SLC35A3: variants seen among roughly 807,000 people sequenced by gnomAD.
SLC35A3 encodes solute carrier family 35 member A3, also known as UDP-N-acetylglucosamine transporter.
Under a neutral mutation model 39.0 loss-of-function variants are expected in SLC35A3, and 26 were observed. The ratio of observed to expected loss-of-function variants is 0.67; its 90% CI spans 0.49 to 0.92. SLC35A3 has a LOEUF of 0.92. Among genes scored for constraint, SLC35A3 ranks in the 40% least tolerant of loss-of-function variants. The pLI is 0.00. For missense variants in SLC35A3, 299 were observed against 371.6 expected (o/e 0.80, Z 1.61); for synonymous variants, 135 against 133.1 (o/e 1.01, Z -0.10).
chr1:100,019,670 G>T (rs1257899809), intron 7 of SLC35A3, among the ~76,000 whole-genome samples: 1 of 152,020 alleles, frequency 6.6e-6, no homozygotes, highest in African/African-American at 2.4e-5. Context: ...TCTCTGAAAT[G>T]GTACGCCTAT....
In SLC35A3 at chr1:100,033,961, T is replaced by C. The variant is rs1473047619; in HGVS notation, c.*11485T>C. The C allele has an allele frequency of 6.6e-6, 1 of 152,174 alleles. No individual in the cohort carries two copies. The highest frequency in any genetic ancestry group is 2.4e-5 in the African/African-American group (1 of 41,442). 9.4% of individuals were successfully genotyped at this position (152,174 alleles called of 1,614,324 possible). On this transcript the variant is annotated 3_prime_UTR_variant, in exon 8 of 8. Coordinates refer to ENST00000533028, the MANE Select transcript of SLC35A3 (RefSeq NM_012243.3). ...TAAGTACTGTACAATATTCTCTGAG[T>C]TGTGACATGTTTAAAATTTCTTCTG...
intron 7 of SLC35A3, among the ~76,000 whole-genome samples, chr1:100,018,449 A>G (rs700532): frequency 0.091 from 13,908 of 152,210 alleles, 1,138 homozygotes; most frequent in African/African-American, 0.22. Context: ...TTTTCCTCCA[A>G]CTTTACTCCT....
rs1406806121 is a variant in SLC35A3, at chr1:100,022,775, T to C, written c.*299T>C. ...TGCTGCAGAAATGTCCTATGCACTCTTTGCAAGAGCACACAACAAATGTCA... is the reference window on the plus strand; with the variant it reads ...TGCTGCAGAAATGTCCTATGCACTCCTTGCAAGAGCACACAACAAATGTCA... On this transcript the variant is annotated 3_prime_UTR_variant, in exon 8 of 8. Coordinates refer to ENST00000533028, the MANE Select transcript of SLC35A3 (RefSeq NM_012243.3). 1 of 198,170 alleles carries C rather than the reference T, an allele frequency of 5.0e-6. No individual in the cohort carries two copies. Among genetic ancestry groups the C allele is most frequent in the Non-Finnish European group, 1.0e-5 (1 of 98,662 alleles). 12.3% of individuals were successfully genotyped at this position (198,170 alleles called of 1,614,324 possible). A position where few individuals can be genotyped will look rare whatever the true frequency, so the allele number is the denominator to read the frequency against.
intron 1 of SLC35A3, among the ~76,000 whole-genome samples, chr1:99,983,474 G>A (rs1035762230): frequency 2.0e-5 from 3 of 151,702 alleles, no homozygotes; most frequent in Non-Finnish European, 2.9e-5. Flanking sequence ...GGGAGGCAGA[G>A]GTTGGAGTGA....
At chr1:99,994,822 GGA>G (rs1658287657) in intron 2 of SLC35A3, among the ~76,000 whole-genome samples, 1 of 152,066 alleles carries the variant, frequency 6.6e-6, no homozygotes, top group African/African-American at 2.4e-5. Context: ...TATATATTTA[GGA>G]GTAGAATTGC....
rs1359668252 is a variant in SLC35A3 at position 99,987,454 on chromosome 1, A to T, written c.-18-6083A>T. Among the ~76,000 whole-genome samples, 6 of 152,178 alleles carry T rather than the reference A, an allele frequency of 3.9e-5. 1 individual carries two copies. Among genetic ancestry groups the T allele is most frequent in the African/African-American group, 1.4e-4 (6 of 41,428 alleles). On this transcript the variant is annotated intron_variant, in intron 1 of 7. Coordinates refer to ENST00000533028, the MANE Select transcript of SLC35A3 (RefSeq NM_012243.3). Reference sequence around the variant, plus strand: ...AATAGTTATAATCTATGTATATTTAATAGTGAGTATACGTATTTTACCATT... The same window carrying T: ...AATAGTTATAATCTATGTATATTTATTAGTGAGTATACGTATTTTACCATT...
chr1:99,989,655 A>G (rs1201653668), intron 1 of SLC35A3, among the ~76,000 whole-genome samples: 2 of 152,106 alleles, frequency 1.3e-5, no homozygotes, highest in African/African-American at 2.4e-5. Flanking sequence ...AAAGTTCTGT[A>G]TATATTCTGG....
At chr1:99,989,512 G>T (rs753328619) in intron 1 of SLC35A3, among the ~76,000 whole-genome samples, 2 of 152,150 alleles carry the variant, frequency 1.3e-5, no homozygotes, top group African/African-American at 2.4e-5. Context: ...TTGAACTCCT[G>T]ACCTCAGGTG....
At chr1:100,019,838 T>G (rs1660409083) in intron 7 of SLC35A3, among the ~76,000 whole-genome samples, 1 of 152,214 alleles carries the variant, frequency 6.6e-6, no homozygotes, top group Non-Finnish European at 1.5e-5. Flanking sequence ...GTTAGACATC[T>G]CTACTGATAC....
chr1:99,978,361 AAAAAAATTT>A (rs1392589788), intron 1 of SLC35A3, among the ~76,000 whole-genome samples: 4 of 152,102 alleles, frequency 2.6e-5, no homozygotes, highest in Non-Finnish European at 5.9e-5. Context: ...TTACAGATAA[AAAAAAATTT>A]AAAAAATTTA....
chr1:99,985,748 G>A (rs1001971731), intron 1 of SLC35A3, among the ~76,000 whole-genome samples: 2 of 152,192 alleles, frequency 1.3e-5, no homozygotes, highest in Non-Finnish European at 2.9e-5. Flanking sequence ...TCTTTCAGCA[G>A]TGTTTTGTAG....
At position 100,025,019 on chromosome 1, in the gene SLC35A3, A is replaced by G. The variant is rs1660826052; in HGVS notation, c.*2543A>G. 1 of 246,320 alleles carries G rather than the reference A, an allele frequency of 4.1e-6. No individual in the cohort carries two copies. The highest frequency in any genetic ancestry group is 2.2e-5 in the African/African-American group (1 of 44,472). 15.3% of individuals were successfully genotyped at this position (246,320 alleles called of 1,614,324 possible). On this transcript the variant is annotated 3_prime_UTR_variant, in exon 8 of 8. Transcript: ENST00000533028. Reference sequence around the variant, plus strand: ...CCAAAGTTTAAAAGCATTTAAAATTACCAAATCTTTAAAATCACTTTGGTG... The same window carrying G: ...CCAAAGTTTAAAAGCATTTAAAATTGCCAAATCTTTAAAATCACTTTGGTG...
At chr1:99,993,467 G>A (rs1658207330) in intron 1 of SLC35A3, 70 bp from the exon 2 acceptor site, 1 of 1,301,926 alleles carries the variant, frequency 7.7e-7, no homozygotes, top group African/African-American at 1.5e-5. Flanking sequence ...CTCCCTCTCG[G>A]TGTTTTTAAA....
intron 1 of SLC35A3, among the ~76,000 whole-genome samples, chr1:99,985,532 T>A (rs1316555053): frequency 2.0e-5 from 3 of 152,356 alleles, no homozygotes; most frequent in African/African-American, 7.2e-5. Context: ...TTGCTTAGTC[T>A]TGCTTTGGCT....
In SLC35A3 at chr1:100,007,065, C is replaced by A; in HGVS notation, c.374C>A (p.Ala125Glu). The A allele has an allele frequency of 6.2e-7, 1 of 1,609,174 alleles. No individual in the cohort carries two copies. Among genetic ancestry groups the A allele is most frequent in the South Asian group, 1.1e-5 (1 of 89,402 alleles). ...VTYQLKILTT[A>E]LFSVSMLSKK... ...TATCAGTTAAAAATTCTTACAACAG[C>A]ATTATTTTCTGTGTCTATGCTTAGT... The change falls in exon 4 of 8, where the codon GCA becomes GAA. Residue 125 changes from alanine to glutamate, a missense_variant. Physicochemically the swap from Ala to Glu is moderately radical, Grantham distance 107. Coordinates refer to ENST00000533028, the MANE Select transcript of SLC35A3 (RefSeq NM_012243.3).
At chr1:100,010,928 G>C (rs1340894308) in intron 4 of SLC35A3, among the ~76,000 whole-genome samples, 3 of 151,972 alleles carry the variant, frequency 2.0e-5, no homozygotes, top group East Asian at 1.9e-4. Flanking sequence ...ACAGTGTTTG[G>C]GGGGGTTCAC....
Position 100,026,996 on chromosome 1 carries a change from C to CTTAT in SLC35A3, c.*4523_*4526dup, listed in dbSNP as rs1386932222. On this transcript the variant is annotated 3_prime_UTR_variant, in exon 8 of 8. Transcript: ENST00000533028. ...CTATACAAATCTTTTTCTATATTTCCTTATTTTCCTATTTACCTGTGTCTA... is the reference window on the plus strand; with the variant it reads ...CTATACAAATCTTTTTCTATATTTCCTTATTTATTTTCCTATTTACCTGTGTCTA... 6 of 391,266 alleles carry CTTAT rather than the reference C, an allele frequency of 1.5e-5. No homozygotes were observed. Among genetic ancestry groups the CTTAT allele is most frequent in the South Asian group, 1.4e-4 (1 of 6,952 alleles). The allele number at this position is 391,266 out of a possible 1,614,324, so 24.2% of individuals were successfully genotyped here.
At chr1:99,989,501 C>G (rs1005497798) in intron 1 of SLC35A3, among the ~76,000 whole-genome samples, 1 of 152,114 alleles carries the variant, frequency 6.6e-6, no homozygotes, top group Non-Finnish European at 1.5e-5. Context: ...CCAGGCCGCT[C>G]TTGAACTCCT....
chr1:99,985,244 G>A (rs1486064248), intron 1 of SLC35A3, among the ~76,000 whole-genome samples: 1 of 152,160 alleles, frequency 6.6e-6, no homozygotes, highest in Non-Finnish European at 1.5e-5. Context: ...GTTGATTTTT[G>A]TGTAAGGTGA....
Sources: gnomAD v4.1 joint callset for allele counts (sites outside exome capture counted in the v4.1 genomes callset) on GRCh38, gnomAD v4.1.1 for gene constraint, MANE v1.5 for transcripts, NCBI Gene and HGNC (gene_info 2026-07-23, HGNC 2026-07-21) for gene names.